NBAS: variants seen among roughly 807,000 people sequenced by gnomAD.
The protein encoded by NBAS is NAG/BC035112 fusion.
NBAS carries 219 observed loss-of-function variants against 302.5 expected under a neutral mutation model. That is an observed-to-expected ratio of 0.72 (90% CI 0.65 to 0.81). The LOEUF (loss-of-function observed/expected upper bound fraction) is 0.81. NBAS is among the 30% of genes least tolerant of loss of function. The probability of loss-of-function intolerance (pLI) is 0.00; values close to 1 mark genes in which losing one functional copy is unlikely to be tolerated. For missense variants in NBAS, 2,932 were observed against 2,841.6 expected (o/e 1.03, Z -0.72); for synonymous variants, 1,118 against 1,021.6 (o/e 1.09, Z -1.80).
At chr2:15,264,292 C>G (rs181436884) in intron 44 of NBAS, among the ~76,000 whole-genome samples, 4 of 152,216 alleles carry the variant, frequency 2.6e-5, no homozygotes, top group Admixed American at 2.6e-4. Context: ...TCTGTCTTCC[C>G]CAAGATTTAC....
the NBAS span, among the ~76,000 whole-genome samples, chr2:15,079,156 A>G: frequency 1.3e-5 from 2 of 152,094 alleles, no homozygotes; most frequent in Admixed American, 6.6e-5. Context: ...GTAAAATGAT[A>G]AAGTACCAGA....
chr2:15,285,657 T>G (rs7340328), intron 42 of NBAS, among the ~76,000 whole-genome samples: 85,919 of 151,976 alleles, frequency 0.57, 26,122 homozygotes, highest in East Asian at 0.85. Context: ...TGTCTTCCTA[T>G]TTTTTCTTTT....
chr2:15,517,817 GT>G (rs1306405317), intron 9 of NBAS, among the ~76,000 whole-genome samples: 2 of 152,144 alleles, frequency 1.3e-5, no homozygotes, highest in Non-Finnish European at 2.9e-5. Flanking sequence ...TACCCTCATG[GT>G]TGCATGGTAG....
chr2:15,368,764 T>C (rs897670223), intron 31 of NBAS, among the ~76,000 whole-genome samples: 1 of 152,158 alleles, frequency 6.6e-6, no homozygotes, highest in Non-Finnish European at 1.5e-5. Flanking sequence ...TGAGTGGAAA[T>C]GACATATGCC....
At chr2:15,405,290 T>C (rs1572796037) in intron 25 of NBAS, among the ~76,000 whole-genome samples, 1 of 152,242 alleles carries the variant, frequency 6.6e-6, no homozygotes, top group Non-Finnish European at 1.5e-5. Flanking sequence ...ATGGCACATT[T>C]CTTTTCTCTT....
At chr2:15,147,609 A>T in the NBAS span, among the ~76,000 whole-genome samples, 2 of 152,026 alleles carry the variant, frequency 1.3e-5, no homozygotes, top group Non-Finnish European at 2.9e-5. Flanking sequence ...ATAATAATAA[A>T]AAAAATTAAA....
Position 15,186,826 on chromosome 2 carries a change from C to T in NBAS, c.6627G>A (p.Thr2209=), listed in dbSNP as rs145283550. Reference sequence around the variant, plus strand: ...TCCCCAATCCTTCCTTGTTCTCCATCGTACATCTGGTTAGCATCACTGTAG... The same window carrying T: ...TCCCCAATCCTTCCTTGTTCTCCATTGTACATCTGGTTAGCATCACTGTAG... ...RLATVMLTRC[T]MENKEGLGNE... is the part of the protein sequence containing the mutation. Residue 2209 remains threonine (T), a synonymous_variant, in exon 50 of 52, where the codon ACG becomes ACA. Transcript: ENST00000281513. 19 of 1,613,758 alleles carry T rather than the reference C, an allele frequency of 1.2e-5. No homozygotes were observed. Among genetic ancestry groups the T allele is most frequent in the South Asian group, 9.9e-5 (9 of 91,082 alleles).
chr2:15,233,919 GTAT>G, intron 46 of NBAS, among the ~76,000 whole-genome samples: 1 of 152,264 alleles, frequency 6.6e-6, no homozygotes. Context: ...TAGCCTAATT[GTAT>G]TATTCACAGA....
At chr2:15,315,368 A>G (rs1671461970) in intron 38 of NBAS, among the ~76,000 whole-genome samples, 1 of 152,216 alleles carries the variant, frequency 6.6e-6, no homozygotes, top group East Asian at 1.9e-4. Flanking sequence ...GAGAATGAGC[A>G]GGATTGAACA....
chr2:15,210,379 A>G (rs1329887927), intron 48 of NBAS, among the ~76,000 whole-genome samples: 1 of 152,220 alleles, frequency 6.6e-6, no homozygotes, highest in Non-Finnish European at 1.5e-5. Context: ...GGTGCTCAAC[A>G]TCACTGATTA....
chr2:15,357,907 G>A (rs2148316740), intron 32 of NBAS, among the ~76,000 whole-genome samples: 1 of 152,152 alleles, frequency 6.6e-6, no homozygotes, highest in Non-Finnish European at 1.5e-5. Context: ...TAACCCTGGG[G>A]CTTTAGTCAT....
the NBAS span, among the ~76,000 whole-genome samples, chr2:14,796,999 A>G: frequency 2.1e-5 from 3 of 145,268 alleles, no homozygotes; most frequent in African/African-American, 7.6e-5. Flanking sequence ...CTGAGGCAGG[A>G]GAATGGTGTG....
the NBAS span, among the ~76,000 whole-genome samples, chr2:15,025,025 T>C: frequency 2.6e-5 from 4 of 152,234 alleles, no homozygotes; most frequent in African/African-American, 9.6e-5. Context: ...GTTTTCATCA[T>C]AAAATCTTTG....
chr2:14,990,631 T>C, the NBAS span, among the ~76,000 whole-genome samples: 4 of 152,172 alleles, frequency 2.6e-5, no homozygotes, highest in Non-Finnish European at 5.9e-5. Context: ...TTTGTCATAC[T>C]TTTTAATTTG....
At chr2:15,559,464 C>T (rs181055650) in intron 1 of NBAS, among the ~76,000 whole-genome samples, 15 of 152,320 alleles carry the variant, frequency 9.8e-5, no homozygotes, top group African/African-American at 3.1e-4. Flanking sequence ...ACGCTAGGCA[C>T]TGCATAAGAT....
At chr2:15,137,319 A>T in the NBAS span, among the ~76,000 whole-genome samples, 1 of 152,222 alleles carries the variant, frequency 6.6e-6, no homozygotes, top group Non-Finnish European at 1.5e-5. Flanking sequence ...AATTGTTTCC[A>T]GCCTCTTCTC....
intron 41 of NBAS, among the ~76,000 whole-genome samples, 200 bp downstream of exon 41, chr2:15,292,337 C>T (rs1022033203): frequency 3.9e-5 from 6 of 152,126 alleles, no homozygotes; most frequent in Admixed American, 3.3e-4. Context: ...CTTTTTTTAG[C>T]TGGGAATGCT....
Position 15,289,770 on chromosome 2 carries a change from G to A in NBAS, c.5028-2587C>T, listed in dbSNP as rs1462614189. ...CCTAGCACTTTGAGAGGCCAAGGCA[G>A]GCGGATCACGAGGTCAGGAGATTGA... On this transcript the variant is annotated intron_variant, in intron 41 of 51. Transcript: ENST00000281513. Among the ~76,000 whole-genome samples the A allele has an allele frequency of 2.0e-5, 3 of 152,256 alleles. No homozygotes were observed. The East Asian group carries it at 5.8e-4, about 30-fold the overall frequency.
chr2:14,858,755 C>G, the NBAS span, among the ~76,000 whole-genome samples: 2 of 151,904 alleles, frequency 1.3e-5, no homozygotes, highest in African/African-American at 4.8e-5. Context: ...CTAGTACTTG[C>G]TAGCACAACA....
Sources: allele counts gnomAD v4.1 joint callset (sites outside exome capture counted in the v4.1 genomes callset), GRCh38; gene constraint gnomAD v4.1.1; transcripts MANE v1.5; gene names NCBI Gene and HGNC (gene_info 2026-07-23, HGNC 2026-07-21).